TMEM178B: variants seen among roughly 807,000 people sequenced by gnomAD.
TMEM178B encodes transmembrane protein 178B.
A neutral mutation model predicts 31.0 loss-of-function variants in TMEM178B; 5 were observed. That is an observed-to-expected ratio of 0.16 (90% confidence interval 0.08 to 0.34). The LOEUF is 0.34. Among genes scored for constraint, TMEM178B ranks in the 10% least tolerant of loss-of-function variants. TMEM178B has a pLI of 1.00. For missense variants in TMEM178B, 275 were observed against 400.3 expected (o/e 0.69, Z 2.67); for synonymous variants, 164 against 164.0 (o/e 1.00, Z 0.00).
At chr7:141,487,548 T>C in the TMEM178B span, among the ~76,000 whole-genome samples, 1 of 151,894 alleles carries the variant, frequency 6.6e-6, no homozygotes, top group Non-Finnish European at 1.5e-5. Context: ...AAGACCAGCC[T>C]GGCCAACATA....
intron 2 of TMEM178B, among the ~76,000 whole-genome samples, chr7:141,410,898 G>A (rs1321115457): frequency 6.6e-6 from 1 of 152,150 alleles, no homozygotes; most frequent in Non-Finnish European, 1.5e-5. Flanking sequence ...CTGAAATTCC[G>A]ATGCATGCTA....
At chr7:141,395,033 C>T (rs2116610377) in intron 2 of TMEM178B, among the ~76,000 whole-genome samples, 1 of 152,322 alleles carries the variant, frequency 6.6e-6, no homozygotes, top group Non-Finnish European at 1.5e-5. Context: ...GCCTCTTCAC[C>T]TGCAATGTGA....
chr7:141,436,155 C>G (rs754098706), intron 2 of TMEM178B, among the ~76,000 whole-genome samples: 1 of 152,136 alleles, frequency 6.6e-6, no homozygotes, highest in Non-Finnish European at 1.5e-5. Flanking sequence ...CTGGGGTTCC[C>G]CATGGGGTGG....
chr7:141,308,960 C>G (rs1030699801), intron 2 of TMEM178B, among the ~76,000 whole-genome samples: 1 of 152,136 alleles, frequency 6.6e-6, no homozygotes, highest in African/African-American at 2.4e-5. Context: ...TTACTGAGTA[C>G]TCCAGGGGAG....
intron 1 of TMEM178B, among the ~76,000 whole-genome samples, chr7:141,083,740 G>A (rs1020468993): frequency 1.3e-5 from 2 of 152,090 alleles, no homozygotes; most frequent in Non-Finnish European, 2.9e-5. Flanking sequence ...TGTACTTAAT[G>A]CCACTGGACT....
intron 2 of TMEM178B, among the ~76,000 whole-genome samples, chr7:141,270,419 A>T (rs1014122705): frequency 6.6e-6 from 1 of 152,112 alleles, no homozygotes; most frequent in African/African-American, 2.4e-5. Context: ...GAGGGACAAT[A>T]AGAAGCTGAC....
Position 141,087,976 on chromosome 7 carries a change from A to G in TMEM178B, c.382+13284A>G, listed in dbSNP as rs182566331. Among the ~76,000 whole-genome samples the G allele has an allele frequency of 3.9e-5, 6 of 152,290 alleles. No homozygotes were observed. The East Asian group carries it at 1.2e-3, about 29-fold the overall frequency. On this transcript the variant is annotated intron_variant, in intron 1 of 3. Coordinates refer to ENST00000565468, the MANE Select transcript of TMEM178B (RefSeq NM_001195278.2). ...AGGGGTGTTGAAGCAGAATAACTTC[A>G]GTGCTCATGTTTTGGTAACCACAGG... is the stretch of plus-strand genomic sequence containing the variant.
In TMEM178B at chr7:141,470,653, C is replaced by G. The variant is rs1288697211; in HGVS notation, c.752C>G (p.Ser251Cys). The G allele has an allele frequency of 4.6e-6, 7 of 1,535,560 alleles. No homozygotes were observed. The highest frequency in any genetic ancestry group is 5.2e-6 in the Non-Finnish European group (6 of 1,146,816). ...GACATCAGCCATGGCTATGGCTGGTCCATGTTCTGTGCATGGGGGGGCCTG... is the reference window on the plus strand; with the variant it reads ...GACATCAGCCATGGCTATGGCTGGTGCATGTTCTGTGCATGGGGGGGCCTG... ...PDDISHGYGWSMFCAWGGLGL... is the reference protein window; with the variant it reads ...PDDISHGYGWCMFCAWGGLGL... The change falls in exon 4 of 4, where the codon TCC becomes TGC. Residue 251 changes from serine (S) to cysteine (C), a missense_variant. By Grantham distance (112) the Ser-to-Cys change is moderately radical (BLOSUM62 -1). Transcript: ENST00000565468.
chr7:141,336,783 C>A (rs757057822), intron 2 of TMEM178B, among the ~76,000 whole-genome samples: 5 of 150,292 alleles, frequency 3.3e-5, no homozygotes, highest in South Asian at 2.1e-4. Context: ...ATCACCATCA[C>A]CACCACAACC....
intron 3 of TMEM178B, among the ~76,000 whole-genome samples, chr7:141,467,402 C>T (rs1802164578): frequency 6.6e-6 from 1 of 152,186 alleles, no homozygotes; most frequent in Non-Finnish European, 1.5e-5. Flanking sequence ...ACATGTGTGA[C>T]ACAAATGCAT....
intron 2 of TMEM178B, among the ~76,000 whole-genome samples, chr7:141,326,641 C>G (rs563383317): frequency 6.6e-6 from 1 of 152,170 alleles, no homozygotes; most frequent in Admixed American, 6.5e-5. Context: ...TGGAACACAA[C>G]GATGCCCCTT....
intron 2 of TMEM178B, among the ~76,000 whole-genome samples, chr7:141,289,097 T>C (rs1036986360): frequency 3.3e-5 from 5 of 152,190 alleles, no homozygotes; most frequent in African/African-American, 1.2e-4. Flanking sequence ...TGCTTAAAAA[T>C]CTTCAACTAC....
intron 3 of TMEM178B, among the ~76,000 whole-genome samples, chr7:141,468,027 TGATA>T (rs1802176658): frequency 6.6e-6 from 1 of 152,098 alleles, no homozygotes; most frequent in South Asian, 2.1e-4. Flanking sequence ...GTTGCTGATT[TGATA>T]GATTATCATT....
intron 1 of TMEM178B, among the ~76,000 whole-genome samples, chr7:141,161,481 T>G (rs1796172000): frequency 6.6e-6 from 1 of 152,172 alleles, no homozygotes; most frequent in African/African-American, 2.4e-5. Context: ...TGTGTGGCCA[T>G]TATTCTGTCA....
At chr7:141,496,979 G>A in the TMEM178B span, among the ~76,000 whole-genome samples, 1 of 152,050 alleles carries the variant, frequency 6.6e-6, no homozygotes. Context: ...TCACATACAG[G>A]CTGAAAACAA....
intron 1 of TMEM178B, among the ~76,000 whole-genome samples, chr7:141,176,211 A>G (rs1490867746): frequency 2.6e-5 from 4 of 152,176 alleles, no homozygotes; most frequent in African/African-American, 9.7e-5. Flanking sequence ...ATCTATTGAG[A>G]TAATCATGTG....
At chr7:141,332,125 G>C (rs1443194896) in intron 2 of TMEM178B, among the ~76,000 whole-genome samples, 2 of 152,126 alleles carry the variant, frequency 1.3e-5, no homozygotes, top group African/African-American at 2.4e-5. Flanking sequence ...CTGAACTCAT[G>C]GTTCTGAATT....
chr7:141,347,087 G>A (rs1399206672), intron 2 of TMEM178B, among the ~76,000 whole-genome samples: 2 of 152,192 alleles, frequency 1.3e-5, no homozygotes, highest in East Asian at 3.9e-4. Flanking sequence ...TGCCATGATT[G>A]TAAGTTTCCT....
At chr7:141,159,988 TTA>T (rs930166792) in intron 1 of TMEM178B, among the ~76,000 whole-genome samples, 119 of 147,892 alleles carry the variant, frequency 8.0e-4, no homozygotes, top group Middle Eastern at 3.6e-3. Flanking sequence ...ATTGTTTATT[TTA>T]TATATATATA....
Sources: allele counts gnomAD v4.1 joint callset (sites outside exome capture counted in the v4.1 genomes callset), GRCh38; gene constraint gnomAD v4.1.1; transcripts MANE v1.5; gene names NCBI Gene and HGNC (gene_info 2026-07-23, HGNC 2026-07-21).